ANO4: variants seen among roughly 807,000 people sequenced by gnomAD.
The protein encoded by ANO4 is anoctamin 4, also known as anoctamin-4.
ANO4 carries 69 observed loss-of-function variants against 141.9 expected under a neutral mutation model. That is an observed-to-expected ratio of 0.49 (90% CI 0.40 to 0.59). ANO4 has a LOEUF of 0.59. ANO4 is among the 20% of genes least tolerant of loss of function. The pLI is 0.00. For missense variants in ANO4, 894 were observed against 1,162.2 expected, an observed-to-expected ratio of 0.77 and a Z score of 3.36; for synonymous variants, 350 against 394.3, an observed-to-expected ratio of 0.89 and a Z score of 1.33.
chr12:100,790,220 T>C (rs1363617581), upstream of ANO4, among the ~76,000 whole-genome samples: 1 of 152,190 alleles, frequency 6.6e-6, no homozygotes, highest in Non-Finnish European at 1.5e-5. Flanking sequence ...ATGCTGGAAA[T>C]GTAGACTGAA....
At chr12:100,947,231 A>G (rs1286975120) in intron 5 of ANO4, among the ~76,000 whole-genome samples, 3 of 152,244 alleles carry the variant, frequency 2.0e-5, no homozygotes, top group Admixed American at 2.0e-4. Context: ...AATACAAACT[A>G]TATATTTGAG....
Position 101,054,281 on chromosome 12 carries a change from C to T in ANO4, c.1312+5880C>T, listed in dbSNP as rs11610251. On this transcript the variant is annotated intron_variant, in intron 14 of 27. Transcript: ENST00000392977. Reference sequence around the variant, plus strand: ...GGGTATAAAGTATACAAGTAAAACACGATTTTGAGTATATTAAATGTAAAT... The same window carrying T: ...GGGTATAAAGTATACAAGTAAAACATGATTTTGAGTATATTAAATGTAAAT... Among the ~76,000 whole-genome samples, 331 of 151,906 alleles carry T rather than the reference C, an allele frequency of 2.2e-3. 1 individual carries two copies. Among genetic ancestry groups the T allele is most frequent in the Non-Finnish European group, 3.4e-3 (232 of 67,956 alleles).
chr12:101,110,495 T>C lies in ANO4; in HGVS notation c.2241T>C (p.Leu747=), dbSNP rs2050622306. The change falls in exon 23 of 28, where the codon CTT becomes CTC. Residue 747 remains leucine, a synonymous_variant. Transcript: ENST00000392977. ...TGAATAACATAATTGAAATTCGACT[T>C]GATGCTTACAAATTTGTCACACAGT... The part of the protein sequence containing the change: ...ALLNNIIEIR[L]DAYKFVTQWR... The C allele has an allele frequency of 3.7e-6, 6 of 1,611,764 alleles. No homozygotes were observed. The highest frequency in any genetic ancestry group is 5.1e-6 in the Non-Finnish European group (6 of 1,178,900).
intron 3 of ANO4, among the ~76,000 whole-genome samples, chr12:100,745,476 G>A (rs543196399): frequency 6.6e-6 from 1 of 152,296 alleles, no homozygotes; most frequent in East Asian, 1.9e-4. Flanking sequence ...TTTTGATCAT[G>A]TACTTGTTCG....
At chr12:101,054,708 G>A (rs752382258) in intron 14 of ANO4, among the ~76,000 whole-genome samples, 2 of 152,160 alleles carry the variant, frequency 1.3e-5, no homozygotes, top group East Asian at 1.9e-4. Flanking sequence ...CACTGTGTTA[G>A]CCAGAATGGT....
At chr12:100,744,128 A>G (rs950970932) in intron 3 of ANO4, among the ~76,000 whole-genome samples, 24 of 152,202 alleles carry the variant, frequency 1.6e-4, no homozygotes, top group Non-Finnish European at 7.3e-5. Flanking sequence ...ATGTGTATTT[A>G]TAAGTGCCTA....
intron 3 of ANO4, among the ~76,000 whole-genome samples, chr12:100,771,841 C>A (rs1316179041): frequency 6.6e-6 from 1 of 152,216 alleles, no homozygotes; most frequent in Non-Finnish European, 1.5e-5. Context: ...GCAGGAGGGC[C>A]TGAGTCCTTG....
At position 101,111,497 on chromosome 12, in the gene ANO4, C is replaced by T. The variant is rs147664811; in HGVS notation, c.2303-66C>T. ...TGAAAAGGACTTTTAAAAATTAATT[C>T]CATTTTTTCATAATTATCACCTCTG... On this transcript the variant is annotated intron_variant, in intron 23 of 27. Coordinates refer to ENST00000392977, the MANE Select transcript of ANO4 (RefSeq NM_001286615.2). The T allele has an allele frequency of 3.3e-3, 4,555 of 1,386,036 alleles. 12 individuals are homozygous for T. The highest frequency in any genetic ancestry group is 4.1e-3 in the Non-Finnish European group (4,258 of 1,042,364). The allele number at this position is 1,386,036 out of a possible 1,614,324, so 85.9% of individuals were successfully genotyped here.
At chr12:100,925,285 G>T (rs942538716) in intron 3 of ANO4, among the ~76,000 whole-genome samples, 3 of 151,928 alleles carry the variant, frequency 2.0e-5, no homozygotes, top group Admixed American at 2.0e-4. Flanking sequence ...TTAGATTATC[G>T]TTTCTGGAAA....
chr12:100,986,746 C>T (rs970373289), intron 7 of ANO4, among the ~76,000 whole-genome samples: 28 of 152,240 alleles, frequency 1.8e-4, no homozygotes, highest in African/African-American at 6.3e-4. Flanking sequence ...GTGGTTTTTG[C>T]GCCTTCTGGT....
At chr12:101,050,266 C>G (rs1004643188) in intron 14 of ANO4, among the ~76,000 whole-genome samples, 36 of 152,178 alleles carry the variant, frequency 2.4e-4, no homozygotes, top group Admixed American at 1.3e-4. Flanking sequence ...GACCCAGACT[C>G]TCTTGTGGCT....
At chr12:100,844,862 A>C (rs895546093) in intron 1 of ANO4, among the ~76,000 whole-genome samples, 3 of 152,138 alleles carry the variant, frequency 2.0e-5, no homozygotes, top group African/African-American at 7.2e-5. Context: ...AGGGGAGATC[A>C]ACAAGGAAGA....
intron 8 of ANO4, among the ~76,000 whole-genome samples, chr12:101,004,656 C>A (rs1346745602): frequency 6.6e-6 from 1 of 152,164 alleles, no homozygotes; most frequent in Non-Finnish European, 1.5e-5. Flanking sequence ...ACTTAATAGA[C>A]AGCACACTCC....
intron 1 of ANO4, among the ~76,000 whole-genome samples, chr12:100,812,621 AC>A (rs2035513099): frequency 6.6e-6 from 1 of 152,316 alleles, no homozygotes; most frequent in Admixed American, 6.5e-5. Flanking sequence ...CATGTAAGAT[AC>A]AGAGGCCACC....
intron 1 of ANO4, among the ~76,000 whole-genome samples, chr12:100,880,040 T>C (rs1221336532): frequency 1.3e-5 from 2 of 152,120 alleles, no homozygotes; most frequent in Non-Finnish European, 1.5e-5. Context: ...TTAGAGAAGA[T>C]GGCACACACA....
At chr12:100,812,224 T>C (rs371662694) in intron 1 of ANO4, among the ~76,000 whole-genome samples, 3 of 152,216 alleles carry the variant, frequency 2.0e-5, no homozygotes, top group Non-Finnish European at 4.4e-5. Flanking sequence ...TTTCTTGTTA[T>C]TGCTTTGTTG....
chr12:100,985,436 C>T (rs755349224), intron 7 of ANO4, among the ~76,000 whole-genome samples: 6 of 152,156 alleles, frequency 3.9e-5, no homozygotes, highest in African/African-American at 1.2e-4. Flanking sequence ...CACAACTCTA[C>T]GAATTGGGTA....
intron 9 of ANO4, among the ~76,000 whole-genome samples, chr12:101,028,194 C>G (rs376443159): frequency 2.6e-5 from 4 of 152,060 alleles, no homozygotes; most frequent in Non-Finnish European, 5.9e-5. Context: ...CCTCAAAGAT[C>G]GAAACTAGAC....
intron 26 of ANO4, 49 bp downstream of exon 26, chr12:101,120,674 A>T: frequency 7.0e-7 from 1 of 1,438,148 alleles, no homozygotes; most frequent in Non-Finnish European, 9.8e-7. Flanking sequence ...TAATGAAGTC[A>T]GTAGGAGTAA....
Sources: gnomAD v4.1 joint callset for allele counts (sites outside exome capture counted in the v4.1 genomes callset) on GRCh38, gnomAD v4.1.1 for gene constraint, MANE v1.5 for transcripts, NCBI Gene and HGNC (gene_info 2026-07-23, HGNC 2026-07-21) for gene names.